Variants in GSK3B observed in about 807,000 individuals in gnomAD.
GSK3B encodes the protein glycogen synthase kinase 3 beta.
A neutral mutation model predicts 56.4 loss-of-function variants in GSK3B; 15 were observed. The ratio of observed to expected loss-of-function variants is 0.27; its 90% confidence interval spans 0.18 to 0.41. The LOEUF is 0.41. Among genes scored for constraint, GSK3B ranks in the 10% least tolerant of loss-of-function variants. The pLI is 1.00. For synonymous variants in GSK3B, 181 were observed against 188.9 expected (o/e 0.96, Z 0.34); for missense variants, 300 against 513.4 (o/e 0.58, Z 4.02).
At chr3:120,008,179 T>C (rs930610000) in intron 1 of GSK3B, among the ~76,000 whole-genome samples, 10 of 152,314 alleles carry the variant, frequency 6.6e-5, no homozygotes, top group Non-Finnish European at 8.8e-5. Flanking sequence ...ACAAGGGATG[T>C]GAAGGACTTC....
intron 9 of GSK3B, among the ~76,000 whole-genome samples, chr3:119,845,272 T>C (rs2055839704): frequency 6.6e-6 from 1 of 152,136 alleles, no homozygotes; most frequent in East Asian, 1.9e-4. Context: ...AAGGGTGCCC[T>C]CTCTCACCAC....
chr3:119,891,630 A>G (rs2056503388), intron 7 of GSK3B, among the ~76,000 whole-genome samples: 1 of 152,176 alleles, frequency 6.6e-6, no homozygotes, highest in Non-Finnish European at 1.5e-5. Context: ...CAAAACGTTT[A>G]GACTAAAGAC....
At chr3:119,911,559 T>G (rs2056734972) in intron 6 of GSK3B, among the ~76,000 whole-genome samples, 1 of 152,154 alleles carries the variant, frequency 6.6e-6, no homozygotes, top group Admixed American at 6.5e-5. Context: ...CTAGAAAATC[T>G]AGAGATGAAA....
chr3:120,072,325 AGG>A (rs776077132), intron 1 of GSK3B, among the ~76,000 whole-genome samples: 9 of 152,210 alleles, frequency 5.9e-5, no homozygotes, highest in Non-Finnish European at 1.2e-4. Flanking sequence ...TGGGAGGCTG[AGG>A]CAGGAGGATC....
intron 1 of GSK3B, among the ~76,000 whole-genome samples, chr3:120,026,512 T>TACACAC (rs61580328): frequency 0.07 from 9,116 of 130,310 alleles, 311 homozygotes; most frequent in Admixed American, 0.11. Flanking sequence ...TACCGCCAAA[T>TACACAC]ACACACACAC....
At chr3:119,943,117 C>T (rs1043749857) in intron 3 of GSK3B, among the ~76,000 whole-genome samples, 27 of 152,286 alleles carry the variant, frequency 1.8e-4, no homozygotes, top group African/African-American at 6.0e-4. Flanking sequence ...TATCCACTAT[C>T]CCTAAAGAAA....
chr3:119,924,887 A>C lies in GSK3B; in HGVS notation c.367-1404T>G, dbSNP rs139299226. Among the ~76,000 whole-genome samples the C allele has an allele frequency of 2.6e-3, 397 of 152,332 alleles. 2 individuals are homozygous for C. Among genetic ancestry groups the C allele is most frequent in the Non-Finnish European group, 3.0e-3 (206 of 68,032 alleles). On this transcript the variant is annotated intron_variant, in intron 3 of 10. Coordinates refer to ENST00000264235, the MANE Select transcript of GSK3B (RefSeq NM_001146156.2). ...AGACTAGATAGCCCACAAAGCCAAA[A>C]ATATCTAAGAAAAAGCTTGTGGTTT...
At chr3:119,889,424 G>A (rs958014434) in intron 7 of GSK3B, among the ~76,000 whole-genome samples, 5 of 152,170 alleles carry the variant, frequency 3.3e-5, no homozygotes, top group South Asian at 4.1e-4. Context: ...CAAAGAACAG[G>A]AAGGGGAATG....
At chr3:120,019,215 G>A (rs1025714899) in intron 1 of GSK3B, among the ~76,000 whole-genome samples, 3 of 151,562 alleles carry the variant, frequency 2.0e-5, no homozygotes, top group Non-Finnish European at 4.4e-5. Context: ...TGTATATCAA[G>A]CTATTTAAAT....
chr3:119,924,605 G>T (rs1214912416), intron 3 of GSK3B, among the ~76,000 whole-genome samples: 1 of 152,144 alleles, frequency 6.6e-6, no homozygotes, highest in African/African-American at 2.4e-5. Flanking sequence ...AGGAAATAGT[G>T]AAACATCATG....
intron 1 of GSK3B, among the ~76,000 whole-genome samples, chr3:120,081,367 T>C (rs911031357): frequency 6.6e-6 from 1 of 151,770 alleles, no homozygotes; most frequent in Non-Finnish European, 1.5e-5. Context: ...GTCAACATGG[T>C]GAAACCCTGT....
Position 119,874,970 on chromosome 3 carries a change from G to T in GSK3B, c.909+1443C>A, listed in dbSNP as rs2056293884. On this transcript the variant is annotated intron_variant, in intron 8 of 10. Coordinates refer to ENST00000264235, the MANE Select transcript of GSK3B (RefSeq NM_001146156.2). ...CAAGTAGGCCACCTGAGATCTTCTGGGTTTAGAGCCAGGTGAGAGTCCCTA... is the reference window on the plus strand; with the variant it reads ...CAAGTAGGCCACCTGAGATCTTCTGTGTTTAGAGCCAGGTGAGAGTCCCTA... Among the ~76,000 whole-genome samples the T allele has an allele frequency of 1.3e-5, 2 of 151,990 alleles. 1 individual carries two copies. Among genetic ancestry groups the T allele is most frequent in the South Asian group, 4.1e-4 (2 of 4,826 alleles).
At chr3:119,969,096 A>C (rs1307352454) in intron 2 of GSK3B, among the ~76,000 whole-genome samples, 2 of 152,060 alleles carry the variant, frequency 1.3e-5, no homozygotes, top group Non-Finnish European at 2.9e-5. Context: ...GTTCAAGACA[A>C]ACCTGGCCAA....
At chr3:120,061,609 AAACAGTCAGGT>A (rs1329801813) in intron 1 of GSK3B, among the ~76,000 whole-genome samples, 3 of 152,226 alleles carry the variant, frequency 2.0e-5, no homozygotes, top group Non-Finnish European at 2.9e-5. Context: ...AAATTTTCAT[AAACAGTCAGGT>A]ATATCTAAGT....
intron 7 of GSK3B, among the ~76,000 whole-genome samples, chr3:119,903,534 A>G (rs961787077): frequency 6.6e-6 from 1 of 152,230 alleles, no homozygotes; most frequent in African/African-American, 2.4e-5. Context: ...GTAACAAAAT[A>G]TATTAATAGC....
chr3:119,928,612 T>TAAAAAAAAAAAAAAAAAAAAAAA (rs1160252679), intron 3 of GSK3B, among the ~76,000 whole-genome samples: 1 of 67,030 alleles, frequency 1.5e-5, no homozygotes, highest in African/African-American at 4.7e-5. Context: ...ATCAAAAAAA[T>TAAAAAAAAAAAAAAAAAAAAAAA]AAAAAAAAAA....
intron 2 of GSK3B, among the ~76,000 whole-genome samples, chr3:119,968,969 G>C (rs796717812): frequency 1.1e-4 from 17 of 152,210 alleles, no homozygotes; most frequent in African/African-American, 4.1e-4. Flanking sequence ...GAAATGCTTA[G>C]GTATAAATCT....
intron 2 of GSK3B, among the ~76,000 whole-genome samples, chr3:119,947,658 T>A (rs967635429): frequency 2.6e-5 from 4 of 152,102 alleles, no homozygotes; most frequent in Admixed American, 6.5e-5. Flanking sequence ...TTTATATTTT[T>A]AAAAATTTCA....
intron 6 of GSK3B, among the ~76,000 whole-genome samples, chr3:119,911,655 G>A (rs73175857): frequency 0.019 from 2,906 of 152,270 alleles, 34 homozygotes; most frequent in Non-Finnish European, 0.032. Flanking sequence ...CACCTTCATC[G>A]ATGATCTTAG....
Sources: gnomAD v4.1 joint callset for allele counts (sites outside exome capture counted in the v4.1 genomes callset) on GRCh38, gnomAD v4.1.1 for gene constraint, MANE v1.5 for transcripts, NCBI Gene and HGNC (gene_info 2026-07-23, HGNC 2026-07-21) for gene names.